KCND2: variants seen among roughly 807,000 people sequenced by gnomAD.
KCND2 encodes A-type voltage-gated potassium channel KCND2.
Under a neutral mutation model 54.4 loss-of-function variants are expected in KCND2, and 16 were observed. The ratio of observed to expected loss-of-function variants is 0.29; its 90% confidence interval spans 0.20 to 0.45. The LOEUF (loss-of-function observed/expected upper bound fraction) is 0.45, where lower values mean the gene tolerates loss of function less well. KCND2 is among the 20% of genes least tolerant of loss of function. The pLI, the probability that KCND2 is intolerant of heterozygous loss-of-function variation, is 1.00. For missense variants in KCND2, 486 were observed against 824.2 expected (o/e 0.59, Z 5.02); for synonymous variants, 317 against 310.7 (o/e 1.02, Z -0.21).
intron 1 of KCND2, among the ~76,000 whole-genome samples, chr7:120,536,058 G>T (rs1215696947): frequency 1.3e-5 from 2 of 151,968 alleles, no homozygotes; most frequent in African/African-American, 2.4e-5. Context: ...ATAATAATAG[G>T]CTTACCTCAG....
At position 120,417,938 on chromosome 7, in the gene KCND2, C is replaced by T. The variant is rs73217228; in HGVS notation, c.1115+142191C>T. On this transcript the variant is annotated intron_variant, in intron 1 of 5. Transcript: ENST00000331113. ...AGGCATTCTAGACTTCTTTTAATGGCCCTTTATTTTAGAAATAGGATAAAA... is the reference window on the plus strand; with the variant it reads ...AGGCATTCTAGACTTCTTTTAATGGTCCTTTATTTTAGAAATAGGATAAAA... Among the ~76,000 whole-genome samples, 852 of 152,222 alleles carry T rather than the reference C, an allele frequency of 5.6e-3. 10 individuals carry two copies. The highest frequency in any genetic ancestry group is 0.027 in the Admixed American group (410 of 15,278).
intron 1 of KCND2, among the ~76,000 whole-genome samples, chr7:120,569,868 A>T (rs1360574019): frequency 1.3e-5 from 2 of 152,096 alleles, no homozygotes; most frequent in Non-Finnish European, 2.9e-5. Context: ...CAAGACCACA[A>T]CAGTGACAGG....
intron 1 of KCND2, among the ~76,000 whole-genome samples, chr7:120,382,485 C>A (rs1449226999): frequency 1.3e-5 from 2 of 151,716 alleles, no homozygotes; most frequent in Non-Finnish European, 2.9e-5. Flanking sequence ...TAAATGTAAT[C>A]ATGGTGATTT....
chr7:120,740,505 A>G (rs1792927153), intron 2 of KCND2, among the ~76,000 whole-genome samples: 2 of 152,092 alleles, frequency 1.3e-5, no homozygotes, highest in Non-Finnish European at 1.5e-5. Context: ...ATGTAATACA[A>G]ATAGAATGGT....
chr7:120,570,686 C>T (rs890250988), intron 1 of KCND2, among the ~76,000 whole-genome samples: 2 of 152,066 alleles, frequency 1.3e-5, no homozygotes, highest in African/African-American at 4.8e-5. Context: ...AGATGCTTCT[C>T]AGGTGAAGGA....
chr7:120,568,316 T>A (rs916847113), intron 1 of KCND2, among the ~76,000 whole-genome samples: 10 of 152,146 alleles, frequency 6.6e-5, no homozygotes, highest in Non-Finnish European at 1.0e-4. Context: ...CTGCTGATAC[T>A]AATGAAACTT....
chr7:120,414,616 G>T (rs2116116973), intron 1 of KCND2, among the ~76,000 whole-genome samples: 2 of 152,228 alleles, frequency 1.3e-5, no homozygotes, highest in East Asian at 3.9e-4. Flanking sequence ...CTTATCAAAT[G>T]TCATGTCATC....
intron 1 of KCND2, among the ~76,000 whole-genome samples, chr7:120,384,208 T>C (rs908864314): frequency 6.6e-6 from 1 of 151,994 alleles, no homozygotes; most frequent in Non-Finnish European, 1.5e-5. Flanking sequence ...CATTGTTTTT[T>C]TCCCCCCCAA....
chr7:120,641,428 CA>C (rs1339456661), intron 1 of KCND2, among the ~76,000 whole-genome samples: 1 of 152,222 alleles, frequency 6.6e-6, no homozygotes, highest in East Asian at 1.9e-4. Flanking sequence ...TTTTAGAAAC[CA>C]AACTACTCTG....
chr7:120,509,352 G>T (rs1337963686), intron 1 of KCND2, among the ~76,000 whole-genome samples: 1 of 152,000 alleles, frequency 6.6e-6, no homozygotes, highest in Non-Finnish European at 1.5e-5. Context: ...TGTTAATAAT[G>T]GGGAAAACTG....
chr7:120,544,457 C>G (rs935496671), intron 1 of KCND2, among the ~76,000 whole-genome samples: 1 of 151,754 alleles, frequency 6.6e-6, no homozygotes, highest in Non-Finnish European at 1.5e-5. Context: ...TATTTTATCC[C>G]AAATTGAAAA....
At chr7:120,380,579 A>C (rs1377263050) in intron 1 of KCND2, among the ~76,000 whole-genome samples, 1 of 152,072 alleles carries the variant, frequency 6.6e-6, no homozygotes, top group Non-Finnish European at 1.5e-5. Flanking sequence ...GATAATATTT[A>C]ATAAACCTAA....
At chr7:120,708,480 G>A (rs1447687913) in intron 1 of KCND2, among the ~76,000 whole-genome samples, 3 of 152,096 alleles carry the variant, frequency 2.0e-5, no homozygotes, top group Non-Finnish European at 4.4e-5. Context: ...GATGGTGAAG[G>A]TAAAACTAAA....
chr7:120,491,532 A>G (rs917676710), intron 1 of KCND2, among the ~76,000 whole-genome samples: 69 of 152,284 alleles, frequency 4.5e-4, no homozygotes, highest in African/African-American at 1.6e-3. Context: ...ACCTAGGCTG[A>G]TGAAGATACT....
chr7:120,323,640 A>G lies in KCND2; in HGVS notation c.1115+47893A>G, dbSNP rs548549006. Among the ~76,000 whole-genome samples the G allele has an allele frequency of 6.0e-3, 881 of 146,234 alleles. 8 individuals are homozygous for G. The highest frequency in any genetic ancestry group is 0.025 in the Admixed American group (353 of 14,402). On this transcript the variant is annotated intron_variant, in intron 1 of 5. Coordinates refer to ENST00000331113, the MANE Select transcript of KCND2 (RefSeq NM_012281.3). ...AAAGGACATGAACTCATCATTTTTT[A>G]TGGCTGCATAGTATTCCATGGTGTA...
At chr7:120,531,228 A>C (rs1791839218) in intron 1 of KCND2, among the ~76,000 whole-genome samples, 1 of 151,970 alleles carries the variant, frequency 6.6e-6, no homozygotes, top group Non-Finnish European at 1.5e-5. Flanking sequence ...CCCCACTCCT[A>C]ATTCACTCAG....
chr7:120,275,274 T>C lies in KCND2; in HGVS notation c.642T>C (p.Gly214=). 1 of 1,613,754 alleles carries C rather than the reference T, an allele frequency of 6.2e-7. No individual in the cohort carries two copies. Among genetic ancestry groups the C allele is most frequent in the South Asian group, 1.1e-5 (1 of 91,054 alleles). The change falls in exon 1 of 6, where the codon GGT becomes GGC. Residue 214 remains glycine, a synonymous_variant. Coordinates refer to ENST00000331113, the MANE Select transcript of KCND2 (RefSeq NM_012281.3). Reference sequence around the variant, plus strand: ...CAGTGCCGTGCGGATCAAGCCCAGGTCACATTAAAGAACTGCCCTGTGGAG... The same window carrying C: ...CAGTGCCGTGCGGATCAAGCCCAGGCCACATTAAAGAACTGCCCTGTGGAG... ...VETVPCGSSP[G]HIKELPCGER... is the part of the protein sequence containing the mutation.
chr7:120,483,221 T>C (rs1367280380), intron 1 of KCND2, among the ~76,000 whole-genome samples: 2 of 152,294 alleles, frequency 1.3e-5, no homozygotes, highest in Non-Finnish European at 2.9e-5. Flanking sequence ...TAATGTGTTA[T>C]TTGTACCAGA....
chr7:120,656,865 A>C (rs923737671), intron 1 of KCND2, among the ~76,000 whole-genome samples: 1 of 152,184 alleles, frequency 6.6e-6, no homozygotes, highest in Admixed American at 6.6e-5. Context: ...GGAGGTGTAT[A>C]AAGGGGAACA....
Sources: allele counts gnomAD v4.1 joint callset (sites outside exome capture counted in the v4.1 genomes callset), GRCh38; gene constraint gnomAD v4.1.1; transcripts MANE v1.5; gene names NCBI Gene and HGNC (gene_info 2026-07-23, HGNC 2026-07-21).